Variants in SGCZ observed in about 807,000 individuals in gnomAD.
SGCZ encodes zeta-sarcoglycan.
Under a neutral mutation model 41.3 loss-of-function variants are expected in SGCZ, and 40 were observed. The observed-to-expected ratio is 0.97, with a 90% CI of 0.75 to 1.26. SGCZ has a LOEUF of 1.26. Ranked by LOEUF, SGCZ falls within the 50% of genes most tolerant of loss-of-function variation. The pLI is 0.00. For missense variants in SGCZ, 552 were observed against 369.8 expected, an observed-to-expected ratio of 1.49 and a Z score of -4.04; for synonymous variants, 206 against 137.5, an observed-to-expected ratio of 1.50 and a Z score of -3.49.
At chr8:15,113,313 T>C (rs1023517168) in intron 1 of SGCZ, among the ~76,000 whole-genome samples, 4 of 152,186 alleles carry the variant, frequency 2.6e-5, no homozygotes, top group Non-Finnish European at 5.9e-5. Flanking sequence ...CTAATTTTAC[T>C]TCATCTCAAA....
At chr8:14,308,311 T>A (rs1563248673) in intron 3 of SGCZ, among the ~76,000 whole-genome samples, 2 of 152,222 alleles carry the variant, frequency 1.3e-5, no homozygotes, top group East Asian at 3.9e-4. Flanking sequence ...GCCTTATTGT[T>A]ATGATGACAA....
At position 14,614,555 on chromosome 8, in the gene SGCZ, C is replaced by T. The variant is rs78126792; in HGVS notation, c.40-59629G>A. ...CTATTAAAGACTATTTAATACTCTC[C>T]TTTTGTGAATAGTAGCTTGAACCAT... On this transcript the variant is annotated intron_variant, in intron 1 of 7. Transcript: ENST00000382080. 5.9e-3 allele frequency among the ~76,000 whole-genome samples: 900 copies of T among 152,176 alleles called. 7 individuals are homozygous for T. The highest frequency in any genetic ancestry group is 0.021 in the African/African-American group (859 of 41,528).
intron 1 of SGCZ, among the ~76,000 whole-genome samples, chr8:14,876,605 G>T (rs563373444): frequency 1.3e-5 from 2 of 152,266 alleles, no homozygotes; most frequent in African/African-American, 4.8e-5. Flanking sequence ...TCGCCGTAAA[G>T]CTCTAAAACG....
chr8:14,670,131 A>G (rs910604828), intron 1 of SGCZ, among the ~76,000 whole-genome samples: 1 of 152,192 alleles, frequency 6.6e-6, no homozygotes, highest in African/African-American at 2.4e-5. Context: ...TATTAATCAC[A>G]GTGTGTTCCT....
At chr8:14,801,515 C>G (rs574611745) in intron 1 of SGCZ, among the ~76,000 whole-genome samples, 66 of 152,158 alleles carry the variant, frequency 4.3e-4, no homozygotes, top group African/African-American at 1.5e-3. Flanking sequence ...AAAGTACAGA[C>G]AGATTATGTT....
chr8:14,121,614 A>C (rs774025717), intron 5 of SGCZ, among the ~76,000 whole-genome samples: 1 of 152,282 alleles, frequency 6.6e-6, no homozygotes, highest in East Asian at 1.9e-4. Context: ...AACATCAGAT[A>C]GACTTTTCCA....
intron 1 of SGCZ, among the ~76,000 whole-genome samples, chr8:14,925,641 G>A (rs1799724384): frequency 1.3e-5 from 2 of 152,154 alleles, no homozygotes; most frequent in South Asian, 2.1e-4. Flanking sequence ...CCAATCTAAC[G>A]AATCCTTCAA....
chr8:15,112,232 A>G (rs906539553), intron 1 of SGCZ, among the ~76,000 whole-genome samples: 2 of 152,366 alleles, frequency 1.3e-5, no homozygotes, highest in African/African-American at 2.4e-5. Flanking sequence ...AGAAAATAAT[A>G]TACCACCAGC....
At chr8:14,886,320 T>C (rs563615091) in intron 1 of SGCZ, among the ~76,000 whole-genome samples, 2 of 152,004 alleles carry the variant, frequency 1.3e-5, no homozygotes, top group African/African-American at 2.4e-5. Context: ...AGAGAACATA[T>C]ATCCTAGTTA....
chr8:14,100,788 T>C (rs1801996126), intron 7 of SGCZ, among the ~76,000 whole-genome samples: 1 of 151,788 alleles, frequency 6.6e-6, no homozygotes, highest in Admixed American at 6.6e-5. Context: ...ATATTCCCCT[T>C]TTGCCTGTAT....
chr8:14,912,314 A>G (rs2130778581), intron 1 of SGCZ, among the ~76,000 whole-genome samples: 1 of 152,044 alleles, frequency 6.6e-6, no homozygotes, highest in East Asian at 1.9e-4. Flanking sequence ...AATGAGCCCT[A>G]CCCAAAATGA....
chr8:15,228,071 C>T (rs900301758), intron 1 of SGCZ, among the ~76,000 whole-genome samples: 4 of 152,078 alleles, frequency 2.6e-5, no homozygotes, highest in Non-Finnish European at 5.9e-5. Flanking sequence ...TCGATACTTG[C>T]AGATGTTAAA....
intron 1 of SGCZ, among the ~76,000 whole-genome samples, chr8:15,190,997 A>G (rs986144974): frequency 1.3e-5 from 2 of 152,062 alleles, no homozygotes; most frequent in African/African-American, 2.4e-5. Context: ...TGTGATTCCA[A>G]TCATTTTACT....
chr8:14,408,366 C>G (rs943229419), intron 2 of SGCZ, among the ~76,000 whole-genome samples: 2 of 152,142 alleles, frequency 1.3e-5, no homozygotes, highest in African/African-American at 2.4e-5. Context: ...AAAGCACCAT[C>G]TGGACCCCTG....
rs568260434 is a variant in SGCZ at position 14,824,982 on chromosome 8, A to G, written c.40-270056T>C. Among the ~76,000 whole-genome samples the G allele has an allele frequency of 2.6e-5, 4 of 152,096 alleles. 1 individual carries two copies. Among genetic ancestry groups the G allele is most frequent in the African/African-American group, 9.7e-5 (4 of 41,436 alleles). On this transcript the variant is annotated intron_variant, in intron 1 of 7. Transcript: ENST00000382080. ...ACATACTGTATTACAAGACCAACAC[A>G]TATCCCTAAATTAGCAGAGTCCCAA...
chr8:14,200,382 G>A (rs1272241827), intron 4 of SGCZ, among the ~76,000 whole-genome samples: 1 of 152,102 alleles, frequency 6.6e-6, no homozygotes, highest in African/African-American at 2.4e-5. Flanking sequence ...GTGGAAAATT[G>A]AATAATCTAA....
intron 1 of SGCZ, among the ~76,000 whole-genome samples, chr8:15,089,232 T>C (rs1380912565): frequency 6.6e-6 from 1 of 152,194 alleles, no homozygotes; most frequent in South Asian, 2.1e-4. Flanking sequence ...CACTAGTTAA[T>C]ATTCATTTCT....
At chr8:14,676,097 C>T (rs1808268670) in intron 1 of SGCZ, among the ~76,000 whole-genome samples, 1 of 152,140 alleles carries the variant, frequency 6.6e-6, no homozygotes, top group African/African-American at 2.4e-5. Flanking sequence ...AGGGATCAAC[C>T]CAACTCAGGA....
intron 1 of SGCZ, among the ~76,000 whole-genome samples, chr8:15,054,615 T>C (rs888120900): frequency 2.6e-5 from 4 of 152,248 alleles, no homozygotes; most frequent in African/African-American, 9.6e-5. Flanking sequence ...AGCTCTACCA[T>C]TCACTAGGTA....
Sources: gnomAD v4.1 joint callset for allele counts (sites outside exome capture counted in the v4.1 genomes callset) on GRCh38, gnomAD v4.1.1 for gene constraint, MANE v1.5 for transcripts, NCBI Gene and HGNC (gene_info 2026-07-23, HGNC 2026-07-21) for gene names.